The following POP4 variants were observed in gnomAD, a reference collection of about 807,000 sequenced individuals.
The protein encoded by POP4 is POP4 ribonuclease P/MRP subunit.
A neutral mutation model predicts 29.9 loss-of-function variants in POP4; 31 were observed. That is an observed-to-expected ratio of 1.04 (90% confidence interval 0.78 to 1.40). The LOEUF is 1.40. POP4 is among the 40% of genes most tolerant of loss of function. POP4 has a pLI of 0.00. For synonymous variants in POP4, 110 were observed against 108.2 expected, an observed-to-expected ratio of 1.02 and a Z score of -0.10; for missense variants, 286 against 282.7, an observed-to-expected ratio of 1.01 and a Z score of -0.08.
intron 3 of POP4, among the ~76,000 whole-genome samples, chr19:29,611,295 C>T (rs1208299987): frequency 2.0e-5 from 3 of 152,224 alleles, no homozygotes; most frequent in Non-Finnish European, 4.4e-5. Context: ...GTTTGCCTCC[C>T]GGGTGGAGCC....
At position 29,615,785 on chromosome 19, in the gene POP4, AG is replaced by A. The variant is rs1003453244; in HGVS notation, c.*407del. 5.8e-5 allele frequency: 9 copies of A among 155,234 alleles called. No individual in the cohort carries two copies. The highest frequency in any genetic ancestry group is 2.2e-4 in the African/African-American group (9 of 41,542). The allele number at this position is 155,234 out of a possible 1,614,324, so 9.6% of individuals were successfully genotyped here. On this transcript the variant is annotated 3_prime_UTR_variant, in exon 7 of 7. Coordinates refer to ENST00000585603, the MANE Select transcript of POP4 (RefSeq NM_006627.3). ...GTGGACATAAACAGGGATCAAATAA[AG>A]GAGGTATTGCTGCAGTCCAGCCAGG...
Position 29,615,367 on chromosome 19 carries a change from C to T in POP4, c.650C>T (p.Thr217Met), listed in dbSNP as rs74712490. ...RSAKKFKAKG[T>M]IDL ...GCGAAGAAGTTCAAAGCGAAGGGAA[C>T]GATTGACCTGTGAATTCTTTGCCGT... Residue 217 changes from threonine to methionine, a missense_variant, in exon 7 of 7, where the codon ACG becomes ATG. Transcript: ENST00000585603. 34 of 1,612,950 alleles carry T rather than the reference C, an allele frequency of 2.1e-5. No individual in the cohort carries two copies. In the African/African-American group the frequency reaches 2.5e-4, roughly 12 times the overall value.
At chr19:29,614,797 C>A (rs1443094856) in intron 6 of POP4, among the ~76,000 whole-genome samples, 1 of 152,204 alleles carries the variant, frequency 6.6e-6, no homozygotes, top group Non-Finnish European at 1.5e-5. Flanking sequence ...AGCCACCGCG[C>A]CCAGCCTTCT....
At chr19:29,609,002 C>G (rs928313239) in intron 2 of POP4, 7 of 320,676 alleles carry the variant, frequency 2.2e-5, no homozygotes, top group Non-Finnish European at 4.1e-5. Context: ...TGGGCAGCAT[C>G]ATTCAACCTT....
At position 29,611,937 on chromosome 19, in the gene POP4, C is replaced by T; in HGVS notation, c.360C>T (p.Asp120=). The T allele has an allele frequency of 6.2e-7, 1 of 1,613,744 alleles. No individual in the cohort carries two copies. The highest frequency in any genetic ancestry group is 1.3e-5 in the African/African-American group (1 of 75,050). Residue 120 remains aspartate (D), a splice_region_variant and synonymous_variant, in exon 4 of 7, where the codon GAC becomes GAT. Coordinates refer to ENST00000585603, the MANE Select transcript of POP4 (RefSeq NM_006627.3). ...ACCTGTGCAGTGGGCTCAAGCCAGACACGTAAGTTGCATTCCTGAAGCTTT... is the reference window on the plus strand; with the variant it reads ...ACCTGTGCAGTGGGCTCAAGCCAGATACGTAAGTTGCATTCCTGAAGCTTT... The part of the protein sequence containing the change: ...IRDLCSGLKP[D]TQPQMIQAKL...
Position 29,615,241 on chromosome 19 carries a change from C to CCCCAATCTAA in POP4, c.527-3_527-2insCCCAATCTAA. ...CTCCTGCCTTTTTTTTTTTTTTTTT[C>CCCCAATCTAA]AGTTATCCCCAAGCTAAACTGCGTG... On this transcript the variant is annotated splice_polypyrimidine_tract_variant and splice_region_variant and intron_variant, in intron 6 of 6. Transcript: ENST00000585603. 1 of 805,090 alleles carries CCCCAATCTAA rather than the reference C, an allele frequency of 1.2e-6. No homozygotes were observed. Among genetic ancestry groups the CCCCAATCTAA allele is most frequent in the South Asian group, 3.7e-5 (1 of 27,088 alleles). 49.9% of individuals were successfully genotyped at this position (805,090 alleles called of 1,614,324 possible).
At chr19:29,608,231 G>A (rs201603619) in intron 1 of POP4, among the ~76,000 whole-genome samples, 9 of 50,368 alleles carry the variant, frequency 1.8e-4, no homozygotes, top group African/African-American at 7.0e-4. Context: ...TATAAGTGTA[G>A]AAGTGTAGTT....
intron 3 of POP4, 60 bp downstream of exon 3, chr19:29,610,692 T>C: frequency 3.2e-6 from 5 of 1,541,838 alleles, no homozygotes; most frequent in Non-Finnish European, 4.4e-6. Flanking sequence ...GTGTGTGAAC[T>C]TGGCTGAGTG....
chr19:29,611,674 CTG>C, intron 3 of POP4, 186 bp from the exon 4 acceptor site: 1 of 589,150 alleles, frequency 1.7e-6, no homozygotes, highest in Non-Finnish European at 3.0e-6. Context: ...AATGAGGAAA[CTG>C]AGGTTAGAGA....
At chr19:29,610,341 G>C in intron 2 of POP4, 68 bp from the exon 3 acceptor site, 2 of 1,399,118 alleles carry the variant, frequency 1.4e-6, no homozygotes, top group African/African-American at 1.4e-5. Flanking sequence ...AATGGCGGGC[G>C]GGATGCCTGG....
At chr19:29,610,027 T>G (rs1204100202) in intron 2 of POP4, among the ~76,000 whole-genome samples, 1 of 152,274 alleles carries the variant, frequency 6.6e-6, no homozygotes, top group Non-Finnish European at 1.5e-5. Flanking sequence ...CACTTTCATC[T>G]GGTCATGCCT....
At chr19:29,608,988 G>A (rs1336062054) in intron 2 of POP4, 1 of 349,082 alleles carries the variant, frequency 2.9e-6, no homozygotes, top group Non-Finnish European at 5.3e-6. Flanking sequence ...CTGTGCCCAC[G>A]TGGTGGGCAG....
Position 29,608,567 on chromosome 19 carries a change from G to C in POP4, c.8-90G>C, listed in dbSNP as rs1224874010. 3.8e-6 allele frequency: 5 copies of C among 1,312,960 alleles called. No homozygotes were observed. The African/African-American group carries it at 4.4e-5, about 11-fold the overall frequency. The allele number at this position is 1,312,960 out of a possible 1,614,324, so 81.3% of individuals were successfully genotyped here. ...CTACAGGTATGAGCCACTGCGCCTA[G>C]TGGCGTAGTTATTTTCATAGTTAGA... On this transcript the variant is annotated intron_variant, in intron 1 of 6. Transcript: ENST00000585603.
intron 2 of POP4, among the ~76,000 whole-genome samples, chr19:29,609,470 C>T (rs1971040007): frequency 1.3e-5 from 2 of 152,168 alleles, no homozygotes; most frequent in Admixed American, 6.5e-5. Flanking sequence ...CTGGCTAGTG[C>T]AAAAAGAGCT....
chr19:29,612,029 T>TG, intron 4 of POP4, 88 bp from the exon 5 acceptor site: 1 of 1,586,108 alleles, frequency 6.3e-7, no homozygotes, highest in East Asian at 2.2e-5. Flanking sequence ...GCGTTGGTAT[T>TG]GCCTGGCTGC....
rs765170749 is a variant in POP4 at position 29,610,513 on chromosome 19, G to A, written c.165G>A (p.Ala55=). 2.0e-5 allele frequency: 32 copies of A among 1,613,092 alleles called. No homozygotes were observed. The highest frequency in any genetic ancestry group is 3.3e-4 in the Middle Eastern group (2 of 6,072). The change falls in exon 3 of 7, where the codon GCG becomes GCA. Residue 55 remains alanine (A), a synonymous_variant. Transcript: ENST00000585603. ...QAREDQLQRK[A]VVLEYFTRHK... is the part of the protein sequence containing the mutation. Reference sequence around the variant, plus strand: ...GCGAGGACCAGCTGCAGCGCAAGGCGGTGGTCCTGGAGTACTTCACCCGCC... The same window carrying A: ...GCGAGGACCAGCTGCAGCGCAAGGCAGTGGTCCTGGAGTACTTCACCCGCC...
At position 29,615,378 on chromosome 19, in the gene POP4, T is replaced by C; in HGVS notation, c.661T>C (p.Ter221ArgextTer57). The C allele has an allele frequency of 1.2e-6, 2 of 1,612,956 alleles. No individual in the cohort carries two copies. Among genetic ancestry groups the C allele is most frequent in the Non-Finnish European group, 1.7e-6 (2 of 1,179,612 alleles). Residue 221 changes from the stop codon to arginine, a stop_lost, in exon 7 of 7, where the codon TGA becomes CGA. Coordinates refer to ENST00000585603, the MANE Select transcript of POP4 (RefSeq NM_006627.3). ...KFKAKGTIDL[*>R] Reference sequence around the variant, plus strand: ...CAAAGCGAAGGGAACGATTGACCTGTGAATTCTTTGCCGTCTAAGGCAGTT... The same window carrying C: ...CAAAGCGAAGGGAACGATTGACCTGCGAATTCTTTGCCGTCTAAGGCAGTT...
intron 5 of POP4, 193 bp from the exon 6 acceptor site, chr19:29,613,678 C>T: frequency 2.4e-6 from 2 of 821,844 alleles, no homozygotes; most frequent in South Asian, 4.0e-5. Flanking sequence ...GGCTGCAAAG[C>T]CCCAGGGGAA....
chr19:29,613,807 G>A, intron 5 of POP4, 64 bp from the exon 6 acceptor site: 3 of 1,545,638 alleles, frequency 1.9e-6, no homozygotes, highest in Non-Finnish European at 2.6e-6. Context: ...CCTGAGGCCT[G>A]CTTCTCTGTG....
Sources: gnomAD v4.1 joint callset for allele counts (sites outside exome capture counted in the v4.1 genomes callset) on GRCh38, gnomAD v4.1.1 for gene constraint, MANE v1.5 for transcripts, NCBI Gene and HGNC (gene_info 2026-07-23, HGNC 2026-07-21) for gene names.